Variants in AKAP8L observed in about 807,000 individuals in gnomAD.
AKAP8L encodes the protein A-kinase anchoring protein 8 like.
A neutral mutation model predicts 77.5 loss-of-function variants in AKAP8L; 34 were observed. The ratio of observed to expected loss-of-function variants is 0.44; its 90% CI spans 0.33 to 0.58. The LOEUF is 0.58. AKAP8L is among the 20% of genes least tolerant of loss of function. The pLI is 0.02. For synonymous variants in AKAP8L, 342 were observed against 340.7 expected, an observed-to-expected ratio of 1.00 and a Z score of -0.04; for missense variants, 806 against 887.6, an observed-to-expected ratio of 0.91 and a Z score of 1.17.
In AKAP8L at chr19:15,380,131, G is replaced by A; in HGVS notation, c.1932C>T (p.Gly644=). 2.7e-6 allele frequency: 4 copies of A among 1,494,160 alleles called. No homozygotes were observed. Among genetic ancestry groups the A allele is most frequent in the East Asian group, 5.6e-5 (2 of 35,588 alleles). The allele number at this position is 1,494,160 out of a possible 1,614,324, so 92.6% of individuals were successfully genotyped here. A position where few individuals can be genotyped will look rare whatever the true frequency, so the allele number is the denominator to read the frequency against. Residue 644 remains glycine, a synonymous_variant, in exon 14 of 14, where the codon GGC becomes GGT. Transcript: ENST00000397410. The part of the protein sequence containing the change: ...DVEDDEEGGG[G]AP ...CCGCCCCGAGCTCGGGTCACGGGGC[G>A]CCCCCGCCGCCCTCCTCGTCGTCCT...
chr19:15,401,477 G>A lies in AKAP8L; in HGVS notation c.489C>T (p.Ala163=). The A allele has an allele frequency of 6.2e-7, 1 of 1,613,840 alleles. No individual in the cohort carries two copies. Among genetic ancestry groups the A allele is most frequent in the Non-Finnish European group, 8.5e-7 (1 of 1,179,894 alleles). The change falls in exon 5 of 14, where the codon GCC becomes GCT. Residue 163 remains alanine (A), a synonymous_variant. Transcript: ENST00000397410. The surrounding 1 kb of genome is among the most constrained non-coding windows in gnomAD (Gnocchi z 6.2). ...MEMAYEGQYD[A]YRDQFRMRGN... ...CACGCATGCGGAACTGGTCGCGGTA[G>A]GCATCGTATTGGCCCTCATAGGCCA...
chr19:15,410,431 G>C, intron 2 of AKAP8L, 89 bp downstream of exon 2: 1 of 1,136,472 alleles, frequency 8.8e-7, no homozygotes, highest in Middle Eastern at 2.8e-4. Context: ...AAAAAAGCAT[G>C]ACAGGGTGAC....
At chr19:15,410,332 T>A (rs1968083724) in intron 2 of AKAP8L, among the ~76,000 whole-genome samples, 188 bp downstream of exon 2, 1 of 152,218 alleles carries the variant, frequency 6.6e-6, no homozygotes, top group Admixed American at 6.5e-5. Context: ...CCTAACTTGC[T>A]CAGGAACACA....
intron 12 of AKAP8L, among the ~76,000 whole-genome samples, chr19:15,389,756 C>G (rs969004041): frequency 1.3e-5 from 2 of 152,036 alleles, no homozygotes; most frequent in Admixed American, 6.6e-5. Context: ...GGCCACAGAC[C>G]AAGACTCCGT....
In AKAP8L at chr19:15,380,443, G is replaced by T. The variant is rs1000207351; in HGVS notation, c.1633-13C>A. ...AAGGGTTCTCGCCCTGTGGGGAGGG[G>T]CGCGGACACTGAAGGGAGGGAGCAC... On this transcript the variant is annotated splice_polypyrimidine_tract_variant and intron_variant, in intron 13 of 13. Transcript: ENST00000397410. The T allele has an allele frequency of 1.9e-6, 3 of 1,609,186 alleles. No individual in the cohort carries two copies. Among genetic ancestry groups the T allele is most frequent in the Non-Finnish European group, 2.5e-6 (3 of 1,178,210 alleles).
intron 7 of AKAP8L, 94 bp from the exon 8 acceptor site, chr19:15,400,452 A>G: frequency 7.8e-7 from 1 of 1,277,020 alleles, no homozygotes; most frequent in Non-Finnish European, 1.1e-6. Flanking sequence ...ATAGTAAAAC[A>G]GCTGCTTGCT....
intron 12 of AKAP8L, among the ~76,000 whole-genome samples, chr19:15,391,829 G>A (rs1316322599): frequency 2.0e-5 from 3 of 151,930 alleles, no homozygotes; most frequent in East Asian, 1.9e-4. Context: ...GAGCCACTGC[G>A]CCCAGCCTTA....
intron 12 of AKAP8L, among the ~76,000 whole-genome samples, chr19:15,391,374 C>T (rs981026151): frequency 6.4e-5 from 8 of 124,182 alleles, no homozygotes; most frequent in Middle Eastern, 6.0e-3. Context: ...AGGAGAATGG[C>T]GTGAACCTGG....
At chr19:15,382,820 G>A (rs950408624) in intron 12 of AKAP8L, among the ~76,000 whole-genome samples, 6 of 152,186 alleles carry the variant, frequency 3.9e-5, no homozygotes, top group African/African-American at 7.2e-5. Context: ...ACTCCATCCT[G>A]CACAACATGG....
rs925334530 is a variant in AKAP8L, at chr19:15,389,342, G to C, written c.1536+7808C>G. ...AAAATGAACAGTCTCAGACAACCAT[G>C]GCACACTATTAAGTGATCCAACATA... is the stretch of plus-strand genomic sequence containing the variant. On this transcript the variant is annotated intron_variant, in intron 12 of 13. Coordinates refer to ENST00000397410, the MANE Select transcript of AKAP8L (RefSeq NM_014371.4). Among the ~76,000 whole-genome samples, 36 of 152,026 alleles carry C rather than the reference G, an allele frequency of 2.4e-4. 1 individual carries two copies. Among genetic ancestry groups the C allele is most frequent in the Admixed American group, 1.3e-4 (2 of 15,260 alleles).
chr19:15,381,219 T>G (rs1967408192), intron 12 of AKAP8L: 1 of 153,034 alleles, frequency 6.5e-6, no homozygotes, highest in Admixed American at 6.5e-5. Context: ...TATCCTAAAT[T>G]TAAGAACTGG....
chr19:15,395,983 CA>C lies in AKAP8L; in HGVS notation c.1536+1166del, dbSNP rs751904092. Among the ~76,000 whole-genome samples, 212 of 40,500 alleles carry C rather than the reference CA, an allele frequency of 5.2e-3. 5 individuals are homozygous for C. The East Asian group carries it at 0.11, about 22-fold the overall frequency. 26.6% of individuals were successfully genotyped at this position (40,500 alleles called of 152,430 possible). A position where few individuals can be genotyped will look rare whatever the true frequency, so the allele number is the denominator to read the frequency against. Reference sequence around the variant, plus strand: ...TGGGCGACAGAGCGAGACTCCGTCTCAAAAAAAAAAAAAAAAAAAGAATCTG... The same window carrying C: ...TGGGCGACAGAGCGAGACTCCGTCTCAAAAAAAAAAAAAAAAAAGAATCTG... On this transcript the variant is annotated intron_variant, in intron 12 of 13. Coordinates refer to ENST00000397410, the MANE Select transcript of AKAP8L (RefSeq NM_014371.4).
At chr19:15,390,117 A>T (rs1024486970) in intron 12 of AKAP8L, among the ~76,000 whole-genome samples, 1 of 151,644 alleles carries the variant, frequency 6.6e-6, no homozygotes, top group Non-Finnish European at 1.5e-5. Flanking sequence ...ATAATAATAA[A>T]AAAAAACTAG....
intron 12 of AKAP8L, among the ~76,000 whole-genome samples, chr19:15,396,503 T>C (rs1967779411): frequency 6.6e-6 from 1 of 152,194 alleles, no homozygotes; most frequent in Non-Finnish European, 1.5e-5. Context: ...ACTTCCCTAC[T>C]GCTCCCTGCT....
intron 2 of AKAP8L, 45 bp downstream of exon 2, chr19:15,410,475 C>G (rs1449501003): frequency 6.6e-7 from 1 of 1,505,806 alleles, no homozygotes; most frequent in Non-Finnish European, 9.0e-7. Context: ...AGACAAGGAA[C>G]TGCTCTGCAG....
In AKAP8L at chr19:15,401,421, C is replaced by A. The variant is rs774870595; in HGVS notation, c.545G>T (p.Gly182Val). Residue 182 changes from glycine to valine, a missense_variant, in exon 5 of 14, where the codon GGC (glycine) becomes GTC (valine). Physicochemically the swap from Gly to Val is moderately radical, Grantham distance 109. Coordinates refer to ENST00000397410, the MANE Select transcript of AKAP8L (RefSeq NM_014371.4). This position sits in a 1 kb window ranked among gnomAD's most constrained non-coding sequence, Gnocchi z 6.2. ...GCCGCTCCGGGCATCCCGGGCCCAGCCCTGTGCCCTGGGACCGAAGGTGTC... is the reference window on the plus strand; with the variant it reads ...GCCGCTCCGGGCATCCCGGGCCCAGACCTGTGCCCTGGGACCGAAGGTGTC... ...GNDTFGPRAQ[G>V]WARDARSGRP... 2.5e-6 allele frequency: 4 copies of A among 1,613,490 alleles called. No homozygotes were observed. In the South Asian group the frequency reaches 4.4e-5, roughly 18 times the overall value.
At position 15,404,321 on chromosome 19, in the gene AKAP8L, C is replaced by A. The variant is rs115805749; in HGVS notation, c.89-279G>T. The A allele has an allele frequency of 6.2e-3, 2,653 of 429,462 alleles. 62 individuals carry two copies. The highest frequency in any genetic ancestry group is 0.05 in the African/African-American group (2,488 of 49,960). 26.6% of individuals were successfully genotyped at this position (429,462 alleles called of 1,614,324 possible). On this transcript the variant is annotated intron_variant, in intron 2 of 13. Coordinates refer to ENST00000397410, the MANE Select transcript of AKAP8L (RefSeq NM_014371.4). The stretch of plus-strand genomic sequence containing the variant: ...GCTCCTATACTCCTCCCTTTAAGAG[C>A]CAGAATTAGAAGGTGACCTCCACAC...
At chr19:15,400,171 C>T (rs890565884) in intron 8 of AKAP8L, 124 bp downstream of exon 8, 9 of 958,288 alleles carry the variant, frequency 9.4e-6, no homozygotes, top group East Asian at 2.4e-5. Flanking sequence ...AGCACACACT[C>T]GGGCCCACAA....
intron 2 of AKAP8L, among the ~76,000 whole-genome samples, chr19:15,405,299 C>T (rs545152138): frequency 6.5e-4 from 99 of 152,226 alleles, no homozygotes; most frequent in Non-Finnish European, 1.1e-3. Flanking sequence ...TTCGGGAGGT[C>T]GAGGCGGGCG....
Sources: allele counts gnomAD v4.1 joint callset (sites outside exome capture counted in the v4.1 genomes callset), GRCh38; gene constraint gnomAD v4.1.1; non-coding constraint Gnocchi (gnomAD v3.1); transcripts MANE v1.5; gene names NCBI Gene and HGNC (gene_info 2026-07-23, HGNC 2026-07-21).